Variants in GALNTL6 observed in about 807,000 individuals in gnomAD.
The protein encoded by GALNTL6 is polypeptide N-acetylgalactosaminyltransferase-like 6.
GALNTL6 carries 46 observed loss-of-function variants against 73.7 expected under a neutral mutation model. The ratio of observed to expected loss-of-function variants is 0.62; its 90% CI spans 0.49 to 0.80. The LOEUF (loss-of-function observed/expected upper bound fraction) is 0.80, where lower values mean the gene tolerates loss of function less well. GALNTL6 is among the 30% of genes least tolerant of loss of function. The pLI is 0.00. For missense variants in GALNTL6, 604 were observed against 755.0 expected, an observed-to-expected ratio of 0.80 and a Z score of 2.34; for synonymous variants, 259 against 263.7, an observed-to-expected ratio of 0.98 and a Z score of 0.17.
intron 5 of GALNTL6, among the ~76,000 whole-genome samples, chr4:172,569,736 GC>G (rs1335123020): frequency 6.6e-6 from 1 of 152,180 alleles, no homozygotes; most frequent in African/African-American, 2.4e-5. Context: ...GATATGGGGT[GC>G]TTTTGAGACA....
chr4:171,844,283 T>C (rs576793010), intron 2 of GALNTL6, among the ~76,000 whole-genome samples: 1 of 152,134 alleles, frequency 6.6e-6, no homozygotes, highest in Non-Finnish European at 1.5e-5. Context: ...TTTACCTTCA[T>C]CTTCATCCTA....
At chr4:172,618,175 T>C (rs1486439648) in intron 5 of GALNTL6, among the ~76,000 whole-genome samples, 1 of 152,108 alleles carries the variant, frequency 6.6e-6, no homozygotes, top group African/African-American at 2.4e-5. Flanking sequence ...AATATAAGGA[T>C]ATGGTGATTA....
In GALNTL6 at chr4:172,774,959, CAATAATAAT is replaced by C. The variant is rs57591714; in HGVS notation, c.554-34366_554-34358del. Among the ~76,000 whole-genome samples, 1,019 of 140,618 alleles carry C rather than the reference CAATAATAAT, an allele frequency of 7.2e-3. 6 individuals are homozygous for C. The highest frequency in any genetic ancestry group is 0.016 in the African/African-American group (595 of 36,456). The allele number at this position is 140,618 out of a possible 152,430, so 92.3% of individuals were successfully genotyped here. A position where few individuals can be genotyped will look rare whatever the true frequency, so the allele number is the denominator to read the frequency against. On this transcript the variant is annotated intron_variant, in intron 5 of 12. Transcript: ENST00000506823. ...TGGGTGACAGAGCGAGGCTCCATCT[CAATAATAAT>C]AATAATAATAATAATAATAATAATA...
chr4:172,755,828 A>G (rs985203822), intron 5 of GALNTL6, among the ~76,000 whole-genome samples: 4 of 152,130 alleles, frequency 2.6e-5, no homozygotes, highest in Admixed American at 2.0e-4. Flanking sequence ...TTTCTGTGGC[A>G]TATTCTTCCT....
intron 5 of GALNTL6, among the ~76,000 whole-genome samples, chr4:172,700,829 T>C (rs1733985329): frequency 6.6e-6 from 1 of 152,062 alleles, no homozygotes; most frequent in Non-Finnish European, 1.5e-5. Context: ...AAATATAAAT[T>C]TGAGATATTA....
intron 5 of GALNTL6, among the ~76,000 whole-genome samples, chr4:172,568,225 C>A (rs1170400180): frequency 6.6e-6 from 1 of 152,136 alleles, no homozygotes; most frequent in African/African-American, 2.4e-5. Flanking sequence ...GCTAATGTTT[C>A]TTCTCTAGTG....
chr4:172,151,876 T>C (rs1734097133), intron 2 of GALNTL6, among the ~76,000 whole-genome samples: 1 of 150,742 alleles, frequency 6.6e-6, no homozygotes, highest in African/African-American at 2.4e-5. Context: ...CATATATATA[T>C]ATTTTATACA....
At chr4:172,319,299 A>G (rs1578951099) in intron 4 of GALNTL6, among the ~76,000 whole-genome samples, 1 of 152,356 alleles carries the variant, frequency 6.6e-6, no homozygotes, top group Non-Finnish European at 1.5e-5. Context: ...GATAATCTGT[A>G]AATCTAATGC....
chr4:172,515,356 C>G (rs578025508), intron 5 of GALNTL6, among the ~76,000 whole-genome samples: 1 of 152,360 alleles, frequency 6.6e-6, no homozygotes, highest in African/African-American at 2.4e-5. Flanking sequence ...GCATCCTGTA[C>G]TTGACCCACC....
chr4:172,361,249 C>A (rs543579174), intron 5 of GALNTL6, among the ~76,000 whole-genome samples: 1 of 152,138 alleles, frequency 6.6e-6, no homozygotes, highest in African/African-American at 2.4e-5. Context: ...ATGGTAAACT[C>A]AAGTCCTTAC....
chr4:172,191,859 A>T (rs958767784), intron 2 of GALNTL6, among the ~76,000 whole-genome samples: 1 of 152,206 alleles, frequency 6.6e-6, no homozygotes, highest in African/African-American at 2.4e-5. Context: ...GTCATAAGCC[A>T]TAGACTATTG....
chr4:172,634,252 G>A (rs963244928), intron 5 of GALNTL6, among the ~76,000 whole-genome samples: 5 of 152,118 alleles, frequency 3.3e-5, no homozygotes, highest in Admixed American at 1.3e-4. Flanking sequence ...AGTGTTCAAG[G>A]CCTAAAAGCA....
intron 2 of GALNTL6, among the ~76,000 whole-genome samples, chr4:171,996,523 A>T (rs1294838458): frequency 1.3e-5 from 2 of 152,058 alleles, no homozygotes; most frequent in Non-Finnish European, 2.9e-5. Flanking sequence ...ATTATAATTA[A>T]AAGCAAGACT....
At chr4:172,575,042 G>A (rs963988996) in intron 5 of GALNTL6, among the ~76,000 whole-genome samples, 5 of 151,998 alleles carry the variant, frequency 3.3e-5, no homozygotes, top group Non-Finnish European at 7.4e-5. Context: ...GCTCCATCAC[G>A]ACTGTGTGTA....
At chr4:171,968,707 A>G (rs1288188558) in intron 2 of GALNTL6, among the ~76,000 whole-genome samples, 1 of 152,168 alleles carries the variant, frequency 6.6e-6, no homozygotes. Context: ...GCCTCAGATG[A>G]TAAGAACTGC....
At chr4:172,087,461 A>G (rs1732081383) in intron 2 of GALNTL6, among the ~76,000 whole-genome samples, 1 of 144,910 alleles carries the variant, frequency 6.9e-6, no homozygotes, top group Non-Finnish European at 1.5e-5. Flanking sequence ...AAAAAAAACA[A>G]AAAAAACAAA....
intron 2 of GALNTL6, among the ~76,000 whole-genome samples, chr4:172,170,137 C>G (rs754510219): frequency 1.3e-5 from 2 of 152,192 alleles, no homozygotes; most frequent in African/African-American, 4.8e-5. Context: ...TCTAGTTACT[C>G]TGTCTTCCTG....
chr4:171,854,576 G>A (rs1205743213), intron 2 of GALNTL6, among the ~76,000 whole-genome samples: 3 of 152,114 alleles, frequency 2.0e-5, no homozygotes, highest in Non-Finnish European at 4.4e-5. Context: ...TAGTCCATTT[G>A]GGCTGTTATA....
intron 5 of GALNTL6, among the ~76,000 whole-genome samples, chr4:172,626,504 G>A (rs1454288628): frequency 6.6e-6 from 1 of 151,896 alleles, no homozygotes; most frequent in Non-Finnish European, 1.5e-5. Flanking sequence ...TCTTTTTTTG[G>A]TGCCACATGA....
Sources: allele counts gnomAD v4.1 joint callset (sites outside exome capture counted in the v4.1 genomes callset), GRCh38; gene constraint gnomAD v4.1.1; transcripts MANE v1.5; gene names NCBI Gene and HGNC (gene_info 2026-07-23, HGNC 2026-07-21).